Variants in CTU2 observed in about 807,000 individuals in gnomAD.
CTU2 encodes cytosolic thiouridylase subunit 2.
A neutral mutation model predicts 64.1 loss-of-function variants in CTU2; 80 were observed. That is an observed-to-expected ratio of 1.25 (90% CI 1.04 to 1.50). The LOEUF is 1.50. Among genes scored for constraint, CTU2 ranks in the 40% most tolerant of loss-of-function variants. The pLI is 0.00. For missense variants in CTU2, 1,110 were observed against 690.2 expected (o/e 1.61, Z -6.81); for synonymous variants, 482 against 285.3 (o/e 1.69, Z -6.95).
chr16:88,714,648 C>T lies in CTU2; in HGVS notation c.1263C>T (p.Ile421=), dbSNP rs779875491. ...SSRLSQMQSP[I]PLTETRTPPG... ...GTCTCTCCCAGATGCAGTCACCCAT[C>T]CCCCTGACTGAGACCCGGACACCCC... is the stretch of plus-strand genomic sequence containing the variant. The change falls in exon 12 of 15, where the codon ATC becomes ATT. Residue 421 remains isoleucine, a synonymous_variant. Transcript: ENST00000453996. 12 of 1,612,504 alleles carry T rather than the reference C, an allele frequency of 7.4e-6. No individual in the cohort carries two copies. The highest frequency in any genetic ancestry group is 3.3e-4 in the Middle Eastern group (2 of 6,060).
intron 1 of CTU2, 117 bp downstream of exon 1, chr16:88,706,715 C>A: frequency 1.4e-6 from 1 of 694,530 alleles, no homozygotes; most frequent in Non-Finnish European, 2.2e-6. Context: ...CGGGACCTCG[C>A]TCCCTAGCAC....
At chr16:88,707,073 C>T (rs896516650) in intron 1 of CTU2, 63 bp from the exon 2 acceptor site, 5 of 1,546,940 alleles carry the variant, frequency 3.2e-6, no homozygotes, top group Non-Finnish European at 4.5e-6. Context: ...CTCCCCAAAG[C>T]CCACTAGGCG....
intron 9 of CTU2, 74 bp downstream of exon 9, chr16:88,713,852 A>C: frequency 1.9e-6 from 3 of 1,584,622 alleles, no homozygotes; most frequent in Non-Finnish European, 1.7e-6. Flanking sequence ...GCAGCCTCTC[A>C]CAGGCTCAGG....
Position 88,712,312 on chromosome 16 carries a change from A to C in CTU2, c.382A>C (p.Lys128Gln). 1 of 1,609,576 alleles carries C rather than the reference A, an allele frequency of 6.2e-7. No homozygotes were observed. The highest frequency in any genetic ancestry group is 8.5e-7 in the Non-Finnish European group (1 of 1,178,002). Residue 128 changes from lysine (K) to glutamine (Q), a missense_variant, in exon 6 of 15, where the codon AAG becomes CAG. Coordinates refer to ENST00000453996, the MANE Select transcript of CTU2 (RefSeq NM_001012759.3). ...ACGQSLEERS[K>Q]TLAEVKPILQ... ...TGGCCAGAGCCTAGAGGAGAGATCA[A>C]AGACCCTGGCCGAAGTGAAGCCCAT...
intron 8 of CTU2, 30 bp from the exon 9 acceptor site, chr16:88,713,617 C>A (rs758435087): frequency 6.2e-7 from 1 of 1,605,662 alleles, no homozygotes; most frequent in Non-Finnish European, 8.5e-7. Context: ...CGGGCCTTGA[C>A]CTGGACCACA....
rs1261967261 is a variant in CTU2 at position 88,712,688 on chromosome 16, T to C, written c.520T>C (p.Tyr174His). The change falls in exon 7 of 15, where the codon TAC becomes CAC. Residue 174 changes from tyrosine to histidine, a missense_variant. By Grantham distance (83) the Tyr-to-His change is moderately conservative. Coordinates refer to ENST00000453996, the MANE Select transcript of CTU2 (RefSeq NM_001012759.3). The stretch of plus-strand genomic sequence containing the variant: ...GGAGCTGGTGGGATCCGAGGGGGCC[T>C]ACAAGGCGGCCGTGGACAGCTTCCT... ...AQELVGSEGA[Y>H]KAAVDSFLQQ... is the part of the protein sequence containing the mutation. The C allele has an allele frequency of 6.2e-6, 10 of 1,610,354 alleles. No individual in the cohort carries two copies. The Admixed American group carries it at 6.7e-5, about 11-fold the overall frequency.
At chr16:88,709,618 C>T (rs956653278) in intron 2 of CTU2, 2 of 381,160 alleles carry the variant, frequency 5.2e-6, no homozygotes, top group South Asian at 6.1e-5. Flanking sequence ...AGTCTGTCCA[C>T]TCCACCAGCT....
Position 88,709,987 on chromosome 16 carries a change from A to C in CTU2, c.193A>C (p.Lys65Gln). The C allele has an allele frequency of 6.2e-7, 1 of 1,613,928 alleles. No individual in the cohort carries two copies. The highest frequency in any genetic ancestry group is 1.7e-5 in the Admixed American group (1 of 60,032). Reference sequence around the variant, plus strand: ...CCACAAGTTCAGAGCCATGCTGGGCAAGAACCGGCTCATCTTTCCAGGCGA... The same window carrying C: ...CCACAAGTTCAGAGCCATGCTGGGCCAGAACCGGCTCATCTTTCCAGGCGA... Reference protein sequence around the residue: ...YVHKFRAMLGKNRLIFPGEKV... With the variant: ...YVHKFRAMLGQNRLIFPGEKV... The change falls in exon 3 of 15, where the codon AAG (lysine) becomes CAG (glutamine). Residue 65 changes from lysine (K) to glutamine (Q), a missense_variant. Transcript: ENST00000453996.
rs145828182 is a variant in CTU2 at position 88,714,473 on chromosome 16, C to T, written c.1188C>T (p.Asp396=). The T allele has an allele frequency of 6.1e-5, 98 of 1,612,478 alleles. No individual in the cohort carries two copies. The highest frequency in any genetic ancestry group is 6.7e-5 in the Non-Finnish European group (79 of 1,179,878). The part of the protein sequence containing the change: ...PRCLLCMCAL[D]VDAADSATAF... ...GCCTCCTCTGCATGTGTGCCCTGGACGTCGACGCCGCTGGTCTGTGTTTCA... is the reference window on the plus strand; with the variant it reads ...GCCTCCTCTGCATGTGTGCCCTGGATGTCGACGCCGCTGGTCTGTGTTTCA... The change falls in exon 11 of 15, where the codon GAC becomes GAT. Residue 396 remains aspartate (D), a synonymous_variant. Coordinates refer to ENST00000453996, the MANE Select transcript of CTU2 (RefSeq NM_001012759.3).
chr16:88,706,642 C>T (rs1910860484), intron 1 of CTU2, 44 bp downstream of exon 1: 15 of 1,314,240 alleles, frequency 1.1e-5, no homozygotes, highest in African/African-American at 1.6e-5. Flanking sequence ...CCTCGCCTTC[C>T]CGCCGCACTC....
At chr16:88,708,150 A>T (rs915990227) in intron 2 of CTU2, among the ~76,000 whole-genome samples, 2 of 152,138 alleles carry the variant, frequency 1.3e-5, no homozygotes, top group Non-Finnish European at 2.9e-5. Flanking sequence ...GGAGCATCTG[A>T]AATTGCCAAG....
chr16:88,712,201 G>C (rs1396176556), intron 5 of CTU2, 73 bp from the exon 6 acceptor site: 9 of 1,307,012 alleles, frequency 6.9e-6, no homozygotes, highest in Middle Eastern at 1.8e-4. Context: ...GTTTTCCCAG[G>C]TGGAGGTGGC....
chr16:88,709,412 C>T (rs1426909043), intron 2 of CTU2: 1 of 154,182 alleles, frequency 6.5e-6, no homozygotes, highest in Non-Finnish European at 1.4e-5. Flanking sequence ...GATGCCAGCT[C>T]TGGGGCCCCA....
rs1911913478 is a variant in CTU2, at chr16:88,715,396, A to G, written c.*145A>G. On this transcript the variant is annotated 3_prime_UTR_variant, in exon 15 of 15. Transcript: ENST00000453996. ...TTAATTAAAAAAAAAACTCTACAGT[A>G]CACGTGGGGGACGGCAGCGCCACGC... is the stretch of plus-strand genomic sequence containing the variant. The G allele has an allele frequency of 9.8e-7, 1 of 1,023,842 alleles. No homozygotes were observed. Among genetic ancestry groups the G allele is most frequent in the Non-Finnish European group, 1.4e-6 (1 of 715,956 alleles). 63.4% of individuals were successfully genotyped at this position (1,023,842 alleles called of 1,614,324 possible). A position where few individuals can be genotyped will look rare whatever the true frequency, so the allele number is the denominator to read the frequency against.
intron 9 of CTU2, 46 bp downstream of exon 9, chr16:88,713,824 G>C (rs758716750): frequency 6.2e-7 from 1 of 1,607,836 alleles, no homozygotes; most frequent in Non-Finnish European, 8.5e-7. Flanking sequence ...TGACACCGGG[G>C]TGGGCCATGT....
Position 88,714,375 on chromosome 16 carries a change from G to C in CTU2, c.1098-8G>C, listed in dbSNP as rs377604379. 1 of 1,612,116 alleles carries C rather than the reference G, an allele frequency of 6.2e-7. No individual in the cohort carries two copies. Among genetic ancestry groups the C allele is most frequent in the Non-Finnish European group, 8.5e-7 (1 of 1,179,742 alleles). ...GATTCACCTGCTCCTCCCACAATCC[G>C]GCCACAGGACAAGTGAGAAGCTGGT... On this transcript the variant is annotated splice_region_variant and splice_polypyrimidine_tract_variant and intron_variant, in intron 10 of 14. Coordinates refer to ENST00000453996, the MANE Select transcript of CTU2 (RefSeq NM_001012759.3).
At chr16:88,713,000 T>C (rs1412007125) in intron 7 of CTU2, 95 bp downstream of exon 7, 4 of 359,694 alleles carry the variant, frequency 1.1e-5, no homozygotes, top group African/African-American at 1.3e-4. Context: ...CTCATGCCCC[T>C]GAGAGCCCCC....
intron 4 of CTU2, 104 bp from the exon 5 acceptor site, chr16:88,711,531 C>T: frequency 8.4e-7 from 1 of 1,187,274 alleles, no homozygotes; most frequent in Non-Finnish European, 1.2e-6. Context: ...AAGACCACTT[C>T]ACCTTCCAAG....
rs1292043307 is a variant in CTU2, at chr16:88,713,319, C to T, written c.745C>T (p.Leu249=). 3 of 1,596,692 alleles carry T rather than the reference C, an allele frequency of 1.9e-6. No individual in the cohort carries two copies. The highest frequency in any genetic ancestry group is 2.6e-6 in the Non-Finnish European group (3 of 1,173,186). ...AGACGCTCTGTGCTTTAGGACCCAC[C>T]TGATCCTCCACATGGCCCGAGCCCA... ...EELLQTLRTH[L]ILHMARAHGY... The change falls in exon 8 of 15, where the codon CTG becomes TTG. Residue 249 remains leucine, a synonymous_variant. Coordinates refer to ENST00000453996, the MANE Select transcript of CTU2 (RefSeq NM_001012759.3).
Sources: gnomAD v4.1 joint callset for allele counts (sites outside exome capture counted in the v4.1 genomes callset) on GRCh38, gnomAD v4.1.1 for gene constraint, MANE v1.5 for transcripts, NCBI Gene and HGNC (gene_info 2026-07-23, HGNC 2026-07-21) for gene names.